The following TRPM3 variants were observed in gnomAD, a reference collection of about 807,000 sequenced individuals.
TRPM3 encodes transient receptor potential cation channel subfamily M member 3, also known as long transient receptor potential channel 3.
A neutral mutation model predicts 181.2 loss-of-function variants in TRPM3; 77 were observed. The ratio of observed to expected loss-of-function variants is 0.42; its 90% CI spans 0.35 to 0.51. The LOEUF is 0.51. Ranked by LOEUF, TRPM3 falls within the 20% of genes least tolerant of loss-of-function variation. The pLI, the probability that TRPM3 is intolerant of heterozygous loss-of-function variation, is 0.01. For synonymous variants in TRPM3, 745 were observed against 796.4 expected (o/e 0.94, Z 1.09); for missense variants, 1,759 against 2,196.7 (o/e 0.80, Z 3.98).
Position 70,928,666 on chromosome 9 carries a change from C to T in TRPM3, c.178-64155G>A, listed in dbSNP as rs548102531. ...ACTGGATTCAAAAGAAACATCATGACCAACCTGAGCCACTGATGGCATGGA... is the reference window on the plus strand; with the variant it reads ...ACTGGATTCAAAAGAAACATCATGATCAACCTGAGCCACTGATGGCATGGA... On this transcript the variant is annotated intron_variant, in intron 1 of 25. Transcript: ENST00000677713. 6.6e-5 allele frequency among the ~76,000 whole-genome samples: 10 copies of T among 152,244 alleles called. No homozygotes were observed. In the East Asian group the frequency reaches 1.7e-3, roughly 26 times the overall value.
chr9:70,939,993 C>T (rs996346044), intron 1 of TRPM3, among the ~76,000 whole-genome samples: 1 of 152,132 alleles, frequency 6.6e-6, no homozygotes, highest in African/African-American at 2.4e-5. Context: ...ATGATGTCTC[C>T]ATATTTAAAA....
chr9:70,843,742 G>A (rs1451243749), intron 4 of TRPM3, among the ~76,000 whole-genome samples: 1 of 152,056 alleles, frequency 6.6e-6, no homozygotes, highest in Non-Finnish European at 1.5e-5. Context: ...ATAGTTAAGG[G>A]TGAGAAAATT....
chr9:70,854,325 G>A (rs906309154), intron 3 of TRPM3, among the ~76,000 whole-genome samples: 2 of 152,200 alleles, frequency 1.3e-5, no homozygotes, highest in Non-Finnish European at 2.9e-5. Context: ...GTCAGATAGT[G>A]GCATTGCAAG....
chr9:70,994,743 G>A (rs2097526517), intron 1 of TRPM3, among the ~76,000 whole-genome samples: 1 of 152,100 alleles, frequency 6.6e-6, no homozygotes, highest in African/African-American at 2.4e-5. Flanking sequence ...TTCAAAACCT[G>A]CCATTAAACA....
chr9:70,889,793 T>TA (rs2096164300), intron 1 of TRPM3, among the ~76,000 whole-genome samples: 1 of 151,810 alleles, frequency 6.6e-6, no homozygotes, highest in South Asian at 2.1e-4. Context: ...GGAAAGCCTC[T>TA]ACCATGAAAG....
chr9:70,608,033 G>A (rs1397718997), intron 19 of TRPM3, among the ~76,000 whole-genome samples: 4 of 152,192 alleles, frequency 2.6e-5, no homozygotes, highest in East Asian at 1.9e-4. Flanking sequence ...ACCAATCACC[G>A]AGTTTCGGTC....
intron 1 of TRPM3, among the ~76,000 whole-genome samples, chr9:71,064,010 A>G (rs1350727880): frequency 6.6e-6 from 1 of 152,150 alleles, no homozygotes; most frequent in East Asian, 1.9e-4. Flanking sequence ...TATGATAGGC[A>G]ACATGAGTAA....
chr9:71,243,907 CAT>C (rs1488056528), intron 1 of TRPM3, among the ~76,000 whole-genome samples: 2 of 130,046 alleles, frequency 1.5e-5, no homozygotes, highest in African/African-American at 5.3e-5. Context: ...TCCATAGAAA[CAT>C]ATAAGATCAT....
intron 1 of TRPM3, among the ~76,000 whole-genome samples, chr9:71,140,490 C>T (rs1318214935): frequency 6.6e-6 from 1 of 152,134 alleles, no homozygotes; most frequent in Non-Finnish European, 1.5e-5. Flanking sequence ...TCTCTCTTCC[C>T]CATCTTCAAT....
upstream of TRPM3, among the ~76,000 whole-genome samples, chr9:71,126,322 G>A (rs139994459): frequency 1.6e-3 from 247 of 152,178 alleles, 3 homozygotes; most frequent in African/African-American, 5.4e-3. Context: ...ACAATGTGGC[G>A]CTTCCTCAAA....
At chr9:71,169,529 C>T (rs985224638) in intron 1 of TRPM3, among the ~76,000 whole-genome samples, 2 of 152,102 alleles carry the variant, frequency 1.3e-5, no homozygotes, top group African/African-American at 2.4e-5. Context: ...AAACATATTT[C>T]GAGGCAGGTG....
intron 8 of TRPM3, among the ~76,000 whole-genome samples, chr9:70,694,310 C>G (rs7848115): frequency 0.88 from 134,463 of 152,144 alleles, 59,524 homozygotes; most frequent in Non-Finnish European, 0.91. Context: ...GTTTGACTAG[C>G]TGGTGACTGG....
intron 25 of TRPM3, among the ~76,000 whole-genome samples, chr9:70,540,201 AT>A (rs978528791): frequency 6.6e-6 from 1 of 152,208 alleles, no homozygotes; most frequent in Non-Finnish European, 1.5e-5. Context: ...TAGATCATGC[AT>A]TTCTGTAGCA....
chr9:71,120,074 T>C (rs1234666385), intron 1 of TRPM3, among the ~76,000 whole-genome samples: 1 of 152,210 alleles, frequency 6.6e-6, no homozygotes, highest in Non-Finnish European at 1.5e-5. Flanking sequence ...TGTATGGAAC[T>C]AACTGTCCCC....
intron 6 of TRPM3, among the ~76,000 whole-genome samples, chr9:70,814,759 C>G (rs2092525074): frequency 6.6e-6 from 1 of 152,068 alleles, no homozygotes; most frequent in South Asian, 2.1e-4. Context: ...ACTTGACCCA[C>G]AGGTCAAGAA....
At chr9:70,940,989 G>T (rs984346428) in intron 1 of TRPM3, among the ~76,000 whole-genome samples, 5 of 152,226 alleles carry the variant, frequency 3.3e-5, no homozygotes, top group African/African-American at 1.2e-4. Flanking sequence ...CTTTGCGTAT[G>T]AATTATGCAA....
At chr9:71,302,630 T>A (rs2086882102) in intron 1 of TRPM3, among the ~76,000 whole-genome samples, 1 of 152,146 alleles carries the variant, frequency 6.6e-6, no homozygotes, top group African/African-American at 2.4e-5. Context: ...TTAATGGCCA[T>A]GTCAGAAACA....
In TRPM3 at chr9:70,534,629, A is replaced by G. The variant is rs2041356860; in HGVS notation, c.*1324T>C. ...ATCTTTTTTTATAGCTCTGTCTATA[A>G]GAAAAATATTCATGGTATGCTTGCA... is the stretch of plus-strand genomic sequence containing the variant. On this transcript the variant is annotated 3_prime_UTR_variant, in exon 26 of 26. Transcript: ENST00000677713. 6.6e-6 allele frequency: 1 copy of G among 152,214 alleles called. No individual in the cohort carries two copies. The highest frequency in any genetic ancestry group is 1.5e-5 in the Non-Finnish European group (1 of 68,036). 9.4% of individuals were successfully genotyped at this position (152,214 alleles called of 1,614,324 possible).
At chr9:71,173,218 T>C (rs559686839) in intron 1 of TRPM3, among the ~76,000 whole-genome samples, 2 of 152,298 alleles carry the variant, frequency 1.3e-5, no homozygotes, top group South Asian at 2.1e-4. Flanking sequence ...ATGATAAGCA[T>C]AAACAGAAAA....
Sources: allele counts gnomAD v4.1 joint callset (sites outside exome capture counted in the v4.1 genomes callset), GRCh38; gene constraint gnomAD v4.1.1; transcripts MANE v1.5; gene names NCBI Gene and HGNC (gene_info 2026-07-23, HGNC 2026-07-21).